The following RPS6KA2 variants were observed in gnomAD, a reference collection of about 807,000 sequenced individuals.
RPS6KA2 encodes ribosomal protein S6 kinase alpha-2.
A neutral mutation model predicts 91.8 loss-of-function variants in RPS6KA2; 42 were observed. The ratio of observed to expected loss-of-function variants is 0.46; its 90% CI spans 0.36 to 0.59. The LOEUF is 0.59. RPS6KA2 is among the 20% of genes least tolerant of loss of function. The pLI is 0.00. For missense variants in RPS6KA2, 798 were observed against 978.5 expected (o/e 0.82, Z 2.46); for synonymous variants, 414 against 393.6 (o/e 1.05, Z -0.61).
intron 1 of RPS6KA2, among the ~76,000 whole-genome samples, chr6:166,590,926 C>T (rs769177908): frequency 6.6e-6 from 1 of 152,136 alleles, no homozygotes; most frequent in Non-Finnish European, 1.5e-5. Flanking sequence ...CCACACAAAC[C>T]TTTGCAAGTA....
chr6:166,706,726 T>C (rs1396413922), intron 2 of RPS6KA2, among the ~76,000 whole-genome samples: 1 of 152,202 alleles, frequency 6.6e-6, no homozygotes, highest in African/African-American at 2.4e-5. Flanking sequence ...TAAAGCCCCG[T>C]GCCAACTGTC....
At chr6:166,765,043 C>CATGGGTAGTG (rs138757878) in intron 2 of RPS6KA2, among the ~76,000 whole-genome samples, 2 of 149,832 alleles carry the variant, frequency 1.3e-5, no homozygotes, top group Admixed American at 6.7e-5. Flanking sequence ...CAGCTCCAGC[C>CATGGGTAGTG]TGGGGCTTTC....
chr6:166,411,529 CA>C lies in RPS6KA2; in HGVS notation c.*1232del, dbSNP rs1778306347. ...CCGGAACCTCTCACTCGATTTTACT[CA>C]ATGAAGTAGAGCACAGCATGGCCTA... On this transcript the variant is annotated 3_prime_UTR_variant, in exon 21 of 21. Transcript: ENST00000265678. This position sits in a 1 kb window ranked among gnomAD's most constrained non-coding sequence, Gnocchi z 4.5. 1.3e-5 allele frequency: 2 copies of C among 152,392 alleles called. No homozygotes were observed. The highest frequency in any genetic ancestry group is 1.3e-4 in the Admixed American group (2 of 15,290). The allele number at this position is 152,392 out of a possible 1,614,324, so 9.4% of individuals were successfully genotyped here. A position where few individuals can be genotyped will look rare whatever the true frequency, so the allele number is the denominator to read the frequency against.
chr6:166,787,256 C>T (rs1778956754), intron 2 of RPS6KA2, among the ~76,000 whole-genome samples: 1 of 151,860 alleles, frequency 6.6e-6, no homozygotes, highest in African/African-American at 2.4e-5. Flanking sequence ...AAGTAATCAA[C>T]AATAGGGGAT....
chr6:166,684,752 A>G (rs896806913), intron 2 of RPS6KA2, among the ~76,000 whole-genome samples: 1 of 152,116 alleles, frequency 6.6e-6, no homozygotes, highest in Non-Finnish European at 1.5e-5. Flanking sequence ...TCCAGCCTAC[A>G]TCGCTTTTAC....
rs1227845027 is a variant in RPS6KA2 at position 166,626,911 on chromosome 6, G to T, written c.99+10C>A. The T allele has an allele frequency of 2.0e-6, 3 of 1,504,400 alleles. No individual in the cohort carries two copies. The highest frequency in any genetic ancestry group is 2.7e-6 in the Non-Finnish European group (3 of 1,122,398). The allele number at this position is 1,504,400 out of a possible 1,614,324, so 93.2% of individuals were successfully genotyped here. On this transcript the variant is annotated intron_variant, in intron 1 of 20. Transcript: ENST00000265678. The surrounding 1 kb of genome is among the most constrained non-coding windows in gnomAD (Gnocchi z 4.1). Reference sequence around the variant, plus strand: ...CCGGCACCTGCGCGCCCCGAGGGCGGCCGCATTACCTCGAGCCGGCTCAGG... The same window carrying T: ...CCGGCACCTGCGCGCCCCGAGGGCGTCCGCATTACCTCGAGCCGGCTCAGG...
rs137914155 is a variant in RPS6KA2 at position 166,715,157 on chromosome 6, C to T, written c.123+143043G>A. On this transcript the variant is annotated intron_variant, in intron 2 of 21. Transcript: ENST00000503859. ...GGGAGGCCCCAGAGACTGCAGAGCA[C>T]CCCTCCAGGCAGCCCGAGGCGGGAA... Among the ~76,000 whole-genome samples, 1,009 of 152,368 alleles carry T rather than the reference C, an allele frequency of 6.6e-3. 6 individuals carry two copies. Among genetic ancestry groups the T allele is most frequent in the Middle Eastern group, 0.02 (6 of 294 alleles).
chr6:166,694,872 G>T (rs1789313215), intron 2 of RPS6KA2, among the ~76,000 whole-genome samples: 1 of 152,164 alleles, frequency 6.6e-6, no homozygotes, highest in Non-Finnish European at 1.5e-5. Context: ...ATCATCTAAT[G>T]TATTTACCAT....
intron 2 of RPS6KA2, among the ~76,000 whole-genome samples, chr6:166,762,666 C>G (rs748517398): frequency 1.3e-5 from 2 of 152,150 alleles, no homozygotes; most frequent in Non-Finnish European, 2.9e-5. Context: ...GCTCCCAGTT[C>G]ACAGGTAAAT....
intron 10 of RPS6KA2, among the ~76,000 whole-genome samples, chr6:166,480,515 A>ATATAT (rs1438315609): frequency 5.9e-5 from 5 of 84,316 alleles, no homozygotes; most frequent in African/African-American, 1.2e-4. Context: ...ATATATATAT[A>ATATAT]ATATATTTTT....
chr6:166,476,822 G>A (rs1562521319), intron 10 of RPS6KA2, among the ~76,000 whole-genome samples: 1 of 152,162 alleles, frequency 6.6e-6, no homozygotes, highest in Non-Finnish European at 1.5e-5. Context: ...TCCAGGGCGG[G>A]AGAGCTCTGG....
At chr6:166,826,763 A>G (rs1404920080) in intron 2 of RPS6KA2, among the ~76,000 whole-genome samples, 1 of 152,228 alleles carries the variant, frequency 6.6e-6, no homozygotes, top group Non-Finnish European at 1.5e-5. Context: ...TATGAAATTC[A>G]GTACTAGATT....
At chr6:166,747,718 G>C (rs2128595992) in intron 2 of RPS6KA2, among the ~76,000 whole-genome samples, 1 of 152,350 alleles carries the variant, frequency 6.6e-6, no homozygotes, top group Non-Finnish European at 1.5e-5. Context: ...CAAGGCTTCA[G>C]AGCAGCGCTG....
intron 10 of RPS6KA2, among the ~76,000 whole-genome samples, chr6:166,475,339 T>G (rs1206675501): frequency 2.6e-5 from 4 of 152,190 alleles, no homozygotes; most frequent in Non-Finnish European, 4.4e-5. Context: ...CTCCCGAGCG[T>G]GGCCCGGCCC....
upstream of RPS6KA2, chr6:166,627,326 C>T (rs1194284410): frequency 5.9e-6 from 4 of 674,668 alleles, no homozygotes; most frequent in African/African-American, 2.0e-5. Context: ...CCGCTCCGCG[C>T]CCCGGCACGC....
chr6:166,732,286 A>G lies in RPS6KA2; in HGVS notation c.123+125914T>C, dbSNP rs1790550715. On this transcript the variant is annotated intron_variant, in intron 2 of 21. Coordinates refer to the RPS6KA2 transcript ENST00000503859. This position sits in a 1 kb window ranked among gnomAD's most constrained non-coding sequence, Gnocchi z 4.0. ...CCCAAAATAGACTGATAAAAATACA[A>G]TTTAGAAGTATGTCTTTCCATTGGG... is the stretch of plus-strand genomic sequence containing the variant. Among the ~76,000 whole-genome samples, 1 of 152,198 alleles carries G rather than the reference A, an allele frequency of 6.6e-6. No individual in the cohort carries two copies. The highest frequency in any genetic ancestry group is 2.4e-5 in the African/African-American group (1 of 41,434).
chr6:166,841,294 G>A (rs1183741121), intron 2 of RPS6KA2, among the ~76,000 whole-genome samples: 1 of 152,136 alleles, frequency 6.6e-6, no homozygotes, highest in Non-Finnish European at 1.5e-5. Flanking sequence ...AATATCCCTG[G>A]TGCGTTAAAA....
intron 14 of RPS6KA2, among the ~76,000 whole-genome samples, chr6:166,436,543 A>AG (rs896835149): frequency 6.6e-6 from 1 of 152,158 alleles, no homozygotes; most frequent in Admixed American, 6.5e-5. Context: ...GCGCCCTGAC[A>AG]GGGGCTGTGG....
intron 1 of RPS6KA2, among the ~76,000 whole-genome samples, chr6:166,593,919 C>T (rs1200896021): frequency 2.6e-5 from 4 of 152,188 alleles, no homozygotes; most frequent in Non-Finnish European, 4.4e-5. Context: ...TCAGGTAACA[C>T]TATCACAAAT....
Sources: gnomAD v4.1 joint callset for allele counts (sites outside exome capture counted in the v4.1 genomes callset) on GRCh38, gnomAD v4.1.1 for gene constraint, Gnocchi (gnomAD v3.1) non-coding constraint, MANE v1.5 for transcripts, NCBI Gene and HGNC (gene_info 2026-07-23, HGNC 2026-07-21) for gene names.